Variants in CYB5D1 observed in about 807,000 individuals in gnomAD.
CYB5D1 encodes cytochrome b5 domain containing 1.
Under a neutral mutation model 24.3 loss-of-function variants are expected in CYB5D1, and 30 were observed. The ratio of observed to expected loss-of-function variants is 1.23; its 90% CI spans 0.92 to 1.67. CYB5D1 has a LOEUF of 1.67. CYB5D1 is among the 40% of genes most tolerant of loss of function. The pLI is 0.00. For synonymous variants in CYB5D1, 128 were observed against 123.2 expected, an observed-to-expected ratio of 1.04 and a Z score of -0.26; for missense variants, 265 against 296.7, an observed-to-expected ratio of 0.89 and a Z score of 0.79.
rs921279818 is a variant in CYB5D1, at chr17:7,861,698, A to T, written c.*2086A>T. The T allele has an allele frequency of 1.3e-5, 2 of 152,126 alleles. No homozygotes were observed. The highest frequency in any genetic ancestry group is 1.3e-4 in the Admixed American group (2 of 15,272). The allele number at this position is 152,126 out of a possible 1,614,324, so 9.4% of individuals were successfully genotyped here. A position where few individuals can be genotyped will look rare whatever the true frequency, so the allele number is the denominator to read the frequency against. ...CTCTGGAACCTATCTTCTTTTCTCC[A>T]AGTTACCATCACCTCTTGTCTAAAC... On this transcript the variant is annotated 3_prime_UTR_variant, in exon 4 of 4. Transcript: ENST00000332439.
rs763559285 is a variant in CYB5D1, at chr17:7,858,774, C to G, written c.406C>G (p.Arg136Gly). The G allele has an allele frequency of 3.8e-6, 6 of 1,584,064 alleles. 1 individual carries two copies. Among genetic ancestry groups the G allele is most frequent in the South Asian group, 2.3e-5 (2 of 87,018 alleles). Residue 136 changes from arginine to glycine, a missense_variant, in exon 3 of 4, where the codon CGG (arginine) becomes GGG (glycine). Transcript: ENST00000332439. The stretch of plus-strand genomic sequence containing the variant: ...GGTGGGGCGGCTGTCTGCCAAGACC[C>G]GGAGCATCCGCATCATTAACACGCT... ...YEVGRLSAKT[R>G]SIRIINTLTS...
intron 1 of CYB5D1, 44 bp from the exon 2 acceptor site, chr17:7,858,359 C>T: frequency 6.2e-7 from 1 of 1,614,082 alleles, no homozygotes; most frequent in African/African-American, 1.3e-5. Flanking sequence ...TTGCCTGGTT[C>T]TCGAAGGGCT....
chr17:7,858,842 G>A lies in CYB5D1; in HGVS notation c.456+18G>A. ...CACTGGAGGTGAGAACTGGTGACAA[G>A]GAGCAGGTTAGAAGGAATGGGGAAT... On this transcript the variant is annotated intron_variant, in intron 3 of 3. Coordinates refer to ENST00000332439, the MANE Select transcript of CYB5D1 (RefSeq NM_144607.6). The A allele has an allele frequency of 6.6e-7, 1 of 1,519,420 alleles. No individual in the cohort carries two copies. The highest frequency in any genetic ancestry group is 8.8e-7 in the Non-Finnish European group (1 of 1,133,288). The allele number at this position is 1,519,420 out of a possible 1,614,324, so 94.1% of individuals were successfully genotyped here. A position where few individuals can be genotyped will look rare whatever the true frequency, so the allele number is the denominator to read the frequency against.
In CYB5D1 at chr17:7,859,439, C is replaced by T. The variant is rs752662998; in HGVS notation, c.514C>T (p.His172Tyr). 2 of 1,614,160 alleles carry T rather than the reference C, an allele frequency of 1.2e-6. No homozygotes were observed. Among genetic ancestry groups the T allele is most frequent in the South Asian group, 2.2e-5 (2 of 91,080 alleles). The stretch of plus-strand genomic sequence containing the variant: ...ACACCGCTATCTCCCCTATAACTCA[C>T]ATGCTGCCAGCTACACGTGGAAATA... ...ILHRYLPYNS[H>Y]AASYTWKYEG... is the part of the protein sequence containing the mutation. The change falls in exon 4 of 4, where the codon CAT (histidine) becomes TAT (tyrosine). Residue 172 changes from histidine to tyrosine, a missense_variant. Transcript: ENST00000332439.
rs2078865179 is a variant in CYB5D1 at position 7,859,363 on chromosome 17, G to A, written c.457-19G>A. The A allele has an allele frequency of 6.2e-7, 1 of 1,603,272 alleles. No homozygotes were observed. Among genetic ancestry groups the A allele is most frequent in the Non-Finnish European group, 8.5e-7 (1 of 1,170,924 alleles). The stretch of plus-strand genomic sequence containing the variant: ...CTCCATCCAGAATTCTGGGGGTGGG[G>A]TGCTTCTGTGTTCTCCAGGTGGGGG... On this transcript the variant is annotated intron_variant, in intron 3 of 3. Transcript: ENST00000332439.
At position 7,862,236 on chromosome 17, in the gene CYB5D1, T is replaced by C. The variant is rs1389718833; in HGVS notation, c.*2624T>C. 6.6e-6 allele frequency: 1 copy of C among 152,226 alleles called. No individual in the cohort carries two copies. The highest frequency in any genetic ancestry group is 1.5e-5 in the Non-Finnish European group (1 of 68,038). 9.4% of individuals were successfully genotyped at this position (152,226 alleles called of 1,614,324 possible). ...CATCTTGCTCACTGCTATATTCTCA[T>C]TGCTGAGCACACAGTTGCAGCTCAA... On this transcript the variant is annotated 3_prime_UTR_variant, in exon 4 of 4. Coordinates refer to ENST00000332439, the MANE Select transcript of CYB5D1 (RefSeq NM_144607.6).
At chr17:7,858,356 G>T (rs374328082) in intron 1 of CYB5D1, 47 bp from the exon 2 acceptor site, 10 of 1,613,972 alleles carry the variant, frequency 6.2e-6, no homozygotes, top group Non-Finnish European at 8.5e-6. Context: ...CGTTTGCCTG[G>T]TTCTCGAAGG....
chr17:7,859,445 G>A lies in CYB5D1; in HGVS notation c.520G>A (p.Ala174Thr), dbSNP rs756428487. 14 of 1,613,992 alleles carry A rather than the reference G, an allele frequency of 8.7e-6. No individual in the cohort carries two copies. In the African/African-American group the frequency reaches 1.6e-4, roughly 18 times the overall value. ...CTATCTCCCCTATAACTCACATGCT[G>A]CCAGCTACACGTGGAAATATGAAGG... Reference protein sequence around the residue: ...HRYLPYNSHAASYTWKYEGKN... With the variant: ...HRYLPYNSHATSYTWKYEGKN... Residue 174 changes from alanine (A) to threonine (T), a missense_variant, in exon 4 of 4, where the codon GCC (alanine) becomes ACC (threonine). By Grantham distance (58) the Ala-to-Thr change is moderately conservative (BLOSUM62 0). Coordinates refer to ENST00000332439, the MANE Select transcript of CYB5D1 (RefSeq NM_144607.6).
intron 3 of CYB5D1, 114 bp downstream of exon 3, chr17:7,858,938 C>T (rs890108502): frequency 9.8e-7 from 1 of 1,024,230 alleles, no homozygotes; most frequent in Non-Finnish European, 1.4e-6. Flanking sequence ...ATTTTCTGTC[C>T]TTTACATTGA....
Position 7,858,838 on chromosome 17 carries a change from A to G in CYB5D1, c.456+14A>G. On this transcript the variant is annotated intron_variant, in intron 3 of 3. Coordinates refer to ENST00000332439, the MANE Select transcript of CYB5D1 (RefSeq NM_144607.6). The stretch of plus-strand genomic sequence containing the variant: ...CACACACTGGAGGTGAGAACTGGTG[A>G]CAAGGAGCAGGTTAGAAGGAATGGG... The G allele has an allele frequency of 1.3e-6, 2 of 1,522,966 alleles. No homozygotes were observed. The highest frequency in any genetic ancestry group is 1.8e-6 in the Non-Finnish European group (2 of 1,134,812). The allele number at this position is 1,522,966 out of a possible 1,614,324, so 94.3% of individuals were successfully genotyped here. A position where few individuals can be genotyped will look rare whatever the true frequency, so the allele number is the denominator to read the frequency against.
chr17:7,858,337 GCA>G (rs767279125), intron 1 of CYB5D1, 43 bp downstream of exon 1: 20 of 1,613,842 alleles, frequency 1.2e-5, no homozygotes, highest in Non-Finnish European at 1.7e-5. Context: ...GTGTGTGTGT[GCA>G]CGCGCGCGTT....
Position 7,859,622 on chromosome 17 carries a change from T to C in CYB5D1, c.*10T>C. On this transcript the variant is annotated 3_prime_UTR_variant, in exon 4 of 4. Transcript: ENST00000332439. ...TCTCACGGAGTTGTAGGCAAGGAGA[T>C]GTACACTCGTGTAGACTCAAGACGT... The C allele has an allele frequency of 6.2e-7, 1 of 1,611,864 alleles. No homozygotes were observed. The highest frequency in any genetic ancestry group is 2.2e-5 in the East Asian group (1 of 44,866).
intron 3 of CYB5D1, 42 bp downstream of exon 3, chr17:7,858,866 AT>A (rs2078858989): frequency 2.7e-6 from 4 of 1,469,270 alleles, no homozygotes; most frequent in Admixed American, 4.8e-5. Flanking sequence ...GGAATGGGGA[AT>A]CCCAGCAAAT....
Position 7,859,595 on chromosome 17 carries a change from G to A in CYB5D1, c.670G>A (p.Asp224Asn), listed in dbSNP as rs776335221. 1 of 1,614,058 alleles carries A rather than the reference G, an allele frequency of 6.2e-7. No homozygotes were observed. The highest frequency in any genetic ancestry group is 1.1e-5 in the South Asian group (1 of 91,070). Residue 224 changes from aspartate (D) to asparagine (N), a missense_variant, in exon 4 of 4, where the codon GAT becomes AAT. Physicochemically the swap from Asp to Asn is conservative, Grantham distance 23. Transcript: ENST00000332439. ...TPAILLYFNDDLTEL is the reference protein window; with the variant it reads ...TPAILLYFNDNLTEL ...TGCAATACTTCTGTACTTCAATGAT[G>A]ATCTCACGGAGTTGTAGGCAAGGAG...
In CYB5D1 at chr17:7,858,085, G is replaced by A. The variant is rs754001265; in HGVS notation, c.-50G>A. 2.5e-6 allele frequency: 4 copies of A among 1,607,548 alleles called. No individual in the cohort carries two copies. The South Asian group carries it at 4.4e-5, about 18-fold the overall frequency. ...GTCGTAGTAGTAGTGAGTACGTGCT[G>A]AGGAGCAAAGGAGTAACCAAGAGAT... On this transcript the variant is annotated 5_prime_UTR_variant, in exon 1 of 4. Coordinates refer to ENST00000332439, the MANE Select transcript of CYB5D1 (RefSeq NM_144607.6).
Position 7,858,127 on chromosome 17 carries a change from C to T in CYB5D1, c.-8C>T. 1 of 1,613,110 alleles carries T rather than the reference C, an allele frequency of 6.2e-7. No homozygotes were observed. The highest frequency in any genetic ancestry group is 8.5e-7 in the Non-Finnish European group (1 of 1,179,832). Reference sequence around the variant, plus strand: ...CCAAGAGATCCAGTGACCGACAGAGCAAGAGCCATGCCGCGCCGGGGCCTG... The same window carrying T: ...CCAAGAGATCCAGTGACCGACAGAGTAAGAGCCATGCCGCGCCGGGGCCTG... On this transcript the variant is annotated 5_prime_UTR_variant, in exon 1 of 4. Coordinates refer to ENST00000332439, the MANE Select transcript of CYB5D1 (RefSeq NM_144607.6).
rs1178909272 is a variant in CYB5D1 at position 7,861,416 on chromosome 17, G to A, written c.*1804G>A. On this transcript the variant is annotated 3_prime_UTR_variant, in exon 4 of 4. Coordinates refer to ENST00000332439, the MANE Select transcript of CYB5D1 (RefSeq NM_144607.6). The stretch of plus-strand genomic sequence containing the variant: ...CAGGAGTCCATGAATTATCTAAATC[G>A]ATCATTTTGATCTTTAATCAACTCT... The A allele has an allele frequency of 1.3e-5, 2 of 151,720 alleles. No individual in the cohort carries two copies. The highest frequency in any genetic ancestry group is 3.0e-5 in the Non-Finnish European group (2 of 67,724). The allele number at this position is 151,720 out of a possible 1,614,324, so 9.4% of individuals were successfully genotyped here.
In CYB5D1 at chr17:7,858,732, CA is replaced by C; in HGVS notation, c.365del (p.Gln122ArgfsTer64). On this transcript the variant is annotated frameshift_variant, in exon 3 of 4. Coordinates refer to ENST00000332439, the MANE Select transcript of CYB5D1 (RefSeq NM_144607.6). LOFTEE classifies it high-confidence loss of function. ...CAACGATTTTGGGAAGCCCTGGTGG[CA>C]GGGGTCGTATTATGAGGTGGGGCGG... ...WANDFGKPWW[Q>X]GSYYEVGRLS... 6.2e-7 allele frequency: 1 copy of C among 1,606,812 alleles called. No individual in the cohort carries two copies. Among genetic ancestry groups the C allele is most frequent in the Non-Finnish European group, 8.5e-7 (1 of 1,176,456 alleles).
In CYB5D1 at chr17:7,858,746, T is replaced by C. The variant is rs780116354; in HGVS notation, c.378T>C (p.Tyr126=). The change falls in exon 3 of 4, where the codon TAT becomes TAC. Residue 126 remains tyrosine, a synonymous_variant. Coordinates refer to ENST00000332439, the MANE Select transcript of CYB5D1 (RefSeq NM_144607.6). ...AGCCCTGGTGGCAGGGGTCGTATTATGAGGTGGGGCGGCTGTCTGCCAAGA... is the reference window on the plus strand; with the variant it reads ...AGCCCTGGTGGCAGGGGTCGTATTACGAGGTGGGGCGGCTGTCTGCCAAGA... The part of the protein sequence containing the change: ...FGKPWWQGSY[Y]EVGRLSAKTR... The C allele has an allele frequency of 5.6e-6, 9 of 1,602,666 alleles. No individual in the cohort carries two copies. Among genetic ancestry groups the C allele is most frequent in the Non-Finnish European group, 7.7e-6 (9 of 1,174,192 alleles).
Sources: gnomAD v4.1 joint callset for allele counts on GRCh38, gnomAD v4.1.1 for gene constraint, MANE v1.5 for transcripts, NCBI Gene and HGNC (gene_info 2026-07-23, HGNC 2026-07-21) for gene names.